REPS2: variants seen among roughly 807,000 people sequenced by gnomAD.
REPS2 encodes the protein ralBP1-associated Eps domain-containing protein 2.
Under a neutral mutation model 53.6 loss-of-function variants are expected in REPS2, and 23 were observed. The observed-to-expected ratio is 0.43, with a 90% CI of 0.31 to 0.61. The LOEUF (loss-of-function observed/expected upper bound fraction) is 0.61, where lower values mean the gene tolerates loss of function less well. Among genes scored for constraint, REPS2 ranks in the 20% least tolerant of loss-of-function variants. REPS2 has a pLI of 0.11. For missense variants in REPS2, 446 were observed against 534.9 expected, an observed-to-expected ratio of 0.83 and a Z score of 1.64; for synonymous variants, 238 against 218.6, an observed-to-expected ratio of 1.09 and a Z score of -0.78.
intron 2 of REPS2, among the ~76,000 whole-genome samples, chrX:17,020,296 T>G (rs1027435116): frequency 8.9e-6 from 1 of 112,410 alleles, no homozygotes; most frequent in African/African-American, 3.2e-5. Context: ...ATTTATTTCT[T>G]TTCTCCCTCA....
At chrX:16,954,843 C>T (rs1285560436) in intron 1 of REPS2, among the ~76,000 whole-genome samples, 2 of 78,954 alleles carry the variant, frequency 2.5e-5, no homozygotes, top group Admixed American at 1.9e-4. Context: ...CAGAGTCTTG[C>T]TCTGTCGCCC....
chrX:17,097,425 A>C (rs1036518022), intron 13 of REPS2, among the ~76,000 whole-genome samples: 1 of 112,334 alleles, frequency 8.9e-6, no homozygotes, highest in Non-Finnish European at 1.9e-5. Context: ...TATCACAAAT[A>C]AAAACCTATG....
chrX:16,971,342 T>C lies in REPS2; in HGVS notation c.273+24208T>C, dbSNP rs192098416. ...TTTGTCCATTTTAAATTGGGTTGTC[T>C]TTATAAAATGTTGAATTGTAAGAGT... On this transcript the variant is annotated intron_variant, in intron 1 of 17. Transcript: ENST00000357277. Among the ~76,000 whole-genome samples, 231 of 112,534 alleles carry C rather than the reference T, an allele frequency of 2.1e-3. 1 individual carries two copies. The highest frequency in any genetic ancestry group is 7.2e-3 in the Admixed American group (77 of 10,638).
At chrX:17,193,319 G>T in the REPS2 span, among the ~76,000 whole-genome samples, 6 of 111,971 alleles carry the variant, frequency 5.4e-5, no homozygotes, top group African/African-American at 1.9e-4. Context: ...TCTTATCATG[G>T]TTTTAATTTT....
intron 1 of REPS2, among the ~76,000 whole-genome samples, chrX:16,990,077 C>G (rs1436999214): frequency 8.9e-6 from 1 of 112,001 alleles, no homozygotes; most frequent in Non-Finnish European, 1.9e-5. Flanking sequence ...ACTGGTATAT[C>G]CATAGCATGG....
At chrX:17,096,778 A>T (rs750112510) in intron 13 of REPS2, among the ~76,000 whole-genome samples, 1 of 111,673 alleles carries the variant, frequency 9.0e-6, no homozygotes, top group African/African-American at 3.2e-5. Flanking sequence ...GAAAAGAACA[A>T]TTCTGTAACA....
intron 7 of REPS2, among the ~76,000 whole-genome samples, 157 bp downstream of exon 7, chrX:17,052,602 A>G (rs1489917445): frequency 4.4e-5 from 5 of 112,582 alleles, no homozygotes; most frequent in Non-Finnish European, 7.5e-5. Context: ...GTGAAAATTA[A>G]ATGTTATATG....
intron 1 of REPS2, among the ~76,000 whole-genome samples, chrX:16,985,934 A>G (rs773635660): frequency 1.8e-5 from 2 of 111,999 alleles, no homozygotes; most frequent in Non-Finnish European, 3.8e-5. Context: ...AGGTTTTTGT[A>G]ATTTTATTCA....
intron 14 of REPS2, among the ~76,000 whole-genome samples, chrX:17,123,757 A>C (rs1463953226): frequency 8.9e-6 from 1 of 112,438 alleles, no homozygotes; most frequent in Non-Finnish European, 1.9e-5. Context: ...AGTAGCGGTA[A>C]TATCCAGTGG....
At position 17,135,457 on chromosome X, in the gene REPS2, T is replaced by C. The variant is rs111394020; in HGVS notation, c.1808+51T>C. 5,621 of 1,142,317 alleles carry C rather than the reference T, an allele frequency of 4.9e-3. 200 individuals are homozygous for C. In the African/African-American group the frequency reaches 0.092, roughly 19 times the overall value. 94.1% of individuals were successfully genotyped at this position (1,142,317 alleles called of 1,213,427 possible). A position where few individuals can be genotyped will look rare whatever the true frequency, so the allele number is the denominator to read the frequency against. On this transcript the variant is annotated intron_variant, in intron 16 of 17. Coordinates refer to ENST00000357277, the MANE Select transcript of REPS2 (RefSeq NM_004726.3). ...GAGGTAGGAATCTCGCTCTGAGATG[T>C]CGACGGATATGTAAATGTGTTGACA...
chrX:17,130,393 A>G (rs2063276050), intron 14 of REPS2, among the ~76,000 whole-genome samples: 1 of 111,307 alleles, frequency 9.0e-6, no homozygotes, highest in Non-Finnish European at 1.9e-5. Flanking sequence ...GAAATTATGG[A>G]TGTTGGAGCA....
chrX:17,101,628 TA>T (rs773273102), intron 13 of REPS2, among the ~76,000 whole-genome samples: 19 of 111,493 alleles, frequency 1.7e-4, no homozygotes, highest in African/African-American at 6.2e-4. Flanking sequence ...CATTTGTCTT[TA>T]AAAAAAATTA....
intron 1 of REPS2, among the ~76,000 whole-genome samples, chrX:17,003,737 G>T (rs890708485): frequency 8.1e-5 from 9 of 111,114 alleles, no homozygotes; most frequent in African/African-American, 2.6e-4. Context: ...CTTGAGAGAA[G>T]CTTATTTAAA....
intron 13 of REPS2, among the ~76,000 whole-genome samples, chrX:17,098,803 C>G (rs1306140450): frequency 9.0e-6 from 1 of 111,501 alleles, no homozygotes; most frequent in Non-Finnish European, 1.9e-5. Context: ...CAAAAGTTGT[C>G]CCAACTAAGA....
rs772310660 is a variant in REPS2, at chrX:16,980,560, A to G, written c.274-25661A>G. 1.5e-4 allele frequency among the ~76,000 whole-genome samples: 17 copies of G among 111,620 alleles called. No individual in the cohort carries two copies. In the South Asian group the frequency reaches 4.8e-3, roughly 32 times the overall value. ...TCGTGATCCACCTGCCTCGGCCAAA[A>G]TGCTGGGATTACAGGCGTGAGCCAC... On this transcript the variant is annotated intron_variant, in intron 1 of 17. Transcript: ENST00000357277.
intron 17 of REPS2, among the ~76,000 whole-genome samples, chrX:17,140,467 GA>G (rs1402905809): frequency 1.8e-5 from 2 of 110,485 alleles, no homozygotes; most frequent in African/African-American, 6.6e-5. Flanking sequence ...AAACATACAG[GA>G]AAGTTGAAAG....
At chrX:17,155,469 C>A (rs1411327665), downstream of REPS2, among the ~76,000 whole-genome samples, 1 of 111,596 alleles carries the variant, frequency 9.0e-6, no homozygotes, top group East Asian at 2.8e-4. Context: ...GACAAACATT[C>A]AAATTATAGC....
At chrX:17,074,027 C>T in intron 11 of REPS2, 87 bp from the exon 12 acceptor site, 1 of 776,863 alleles carries the variant, frequency 1.3e-6, no homozygotes, top group Admixed American at 2.7e-5. Flanking sequence ...TCACATTTAC[C>T]TGTTGATGTG....
intron 16 of REPS2, 45 bp from the exon 17 acceptor site, chrX:17,138,811 G>GA (rs2063406711): frequency 1.1e-6 from 1 of 930,591 alleles, no homozygotes; most frequent in African/African-American, 2.0e-5. Context: ...CAAGGGTCCA[G>GA]ACCTCTAAGT....
Sources: allele counts gnomAD v4.1 joint callset (sites outside exome capture counted in the v4.1 genomes callset), GRCh38; gene constraint gnomAD v4.1.1; transcripts MANE v1.5; gene names NCBI Gene and HGNC (gene_info 2026-07-23, HGNC 2026-07-21).